The following LARGE1 variants were observed in gnomAD, a reference collection of about 807,000 sequenced individuals.
LARGE1 encodes the protein LARGE xylosyl- and glucuronyltransferase 1, also known as xylosyl- and glucuronyltransferase LARGE1.
LARGE1 carries 43 observed loss-of-function variants against 87.6 expected under a neutral mutation model. That is an observed-to-expected ratio of 0.49 (90% CI 0.38 to 0.63). The LOEUF (loss-of-function observed/expected upper bound fraction) is 0.63, where lower values mean the gene tolerates loss of function less well. LARGE1 is among the 30% of genes least tolerant of loss of function. The probability of loss-of-function intolerance (pLI) is 0.00; values close to 1 mark genes in which losing one functional copy is unlikely to be tolerated. For synonymous variants in LARGE1, 434 were observed against 394.6 expected, an observed-to-expected ratio of 1.10 and a Z score of -1.18; for missense variants, 802 against 1,000.2, an observed-to-expected ratio of 0.80 and a Z score of 2.67.
intron 1 of LARGE1, among the ~76,000 whole-genome samples, chr22:33,781,420 G>C (rs2085416778): frequency 6.6e-6 from 1 of 152,162 alleles, no homozygotes; most frequent in South Asian, 2.1e-4. Flanking sequence ...AGAATCACCT[G>C]AACCTGGGAG....
intron 1 of LARGE1, among the ~76,000 whole-genome samples, chr22:33,783,564 C>G (rs908891341): frequency 2.0e-5 from 3 of 152,034 alleles, no homozygotes; most frequent in Non-Finnish European, 1.5e-5. Flanking sequence ...AACTCCATCT[C>G]AAAAAACACA....
intron 5 of LARGE1, among the ~76,000 whole-genome samples, chr22:33,569,710 C>T (rs78939047): frequency 0.013 from 1,928 of 152,184 alleles, 38 homozygotes; most frequent in African/African-American, 0.043. Flanking sequence ...TTCCAGCCAC[C>T]CCCACCCCCA....
chr22:33,884,688 A>C (rs2064795040), intron 1 of LARGE1, among the ~76,000 whole-genome samples: 1 of 152,212 alleles, frequency 6.6e-6, no homozygotes, highest in Non-Finnish European at 1.5e-5. Context: ...CTGCCTACCC[A>C]GGGAAGGAAA....
At chr22:33,874,434 C>G (rs1394663727) in intron 1 of LARGE1, among the ~76,000 whole-genome samples, 2 of 152,116 alleles carry the variant, frequency 1.3e-5, no homozygotes, top group Admixed American at 1.3e-4. Context: ...GGGCGTGACC[C>G]AAACAGAAAG....
At chr22:33,172,515 T>C (rs1465447990) in intron 11 of LARGE1, among the ~76,000 whole-genome samples, 3 of 152,102 alleles carry the variant, frequency 2.0e-5, no homozygotes, top group Non-Finnish European at 4.4e-5. Flanking sequence ...TTCCCCTTCC[T>C]TCATGATTGT....
At chr22:33,436,895 G>C (rs1049303859) in intron 6 of LARGE1, among the ~76,000 whole-genome samples, 2 of 151,946 alleles carry the variant, frequency 1.3e-5, no homozygotes, top group African/African-American at 4.8e-5. Context: ...AGCCATTGTA[G>C]ATACTGAAGG....
intron 6 of LARGE1, among the ~76,000 whole-genome samples, chr22:33,503,798 CA>C (rs2070627060): frequency 6.6e-6 from 1 of 150,814 alleles, no homozygotes; most frequent in African/African-American, 2.4e-5. Context: ...GACTCTGTCT[CA>C]AAAAACAAAA....
intron 1 of LARGE1, among the ~76,000 whole-genome samples, chr22:33,902,743 T>C (rs1165346148): frequency 1.3e-5 from 2 of 152,228 alleles, no homozygotes; most frequent in Non-Finnish European, 2.9e-5. Context: ...GATGATGTTA[T>C]AGGCTGAATT....
intron 6 of LARGE1, among the ~76,000 whole-genome samples, chr22:33,506,036 C>G (rs1602159683): frequency 6.6e-6 from 1 of 152,094 alleles, no homozygotes. Flanking sequence ...GGCTTTACAA[C>G]TGCCACTCAA....
chr22:33,807,555 G>A (rs145977477), intron 1 of LARGE1, among the ~76,000 whole-genome samples: 3 of 152,248 alleles, frequency 2.0e-5, no homozygotes, highest in African/African-American at 7.2e-5. Flanking sequence ...CTGTTTACAT[G>A]ACAGTTCATT....
intron 7 of LARGE1, among the ~76,000 whole-genome samples, chr22:33,422,490 G>A (rs1175553353): frequency 6.6e-6 from 1 of 151,606 alleles, no homozygotes; most frequent in African/African-American, 2.4e-5. Flanking sequence ...GACAGAGAAC[G>A]AGCTTGGAAG....
At chr22:33,860,280 C>A (rs73154536) in intron 1 of LARGE1, among the ~76,000 whole-genome samples, 2,035 of 152,234 alleles carry the variant, frequency 0.013, 23 homozygotes, top group Middle Eastern at 0.048. Context: ...GCGTGAGCCA[C>A]GATGCCTGGC....
intron 1 of LARGE1, among the ~76,000 whole-genome samples, chr22:33,801,276 T>C (rs1184552703): frequency 6.6e-6 from 1 of 152,192 alleles, no homozygotes; most frequent in Non-Finnish European, 1.5e-5. Flanking sequence ...TACTAATACA[T>C]ATGGTATATA....
chr22:33,085,323 T>C, the LARGE1 span, among the ~76,000 whole-genome samples: 1 of 152,194 alleles, frequency 6.6e-6, no homozygotes, highest in Non-Finnish European at 1.5e-5. Context: ...TCAAGCTGTT[T>C]GAAACAAACT....
chr22:33,239,530 CTTT>C (rs1926405773), intron 11 of LARGE1, among the ~76,000 whole-genome samples: 1 of 119,024 alleles, frequency 8.4e-6, no homozygotes, highest in Non-Finnish European at 1.8e-5. Flanking sequence ...TTCTTTTTTT[CTTT>C]TCTTTTTTTT....
rs142455239 is a variant in LARGE1 at position 33,477,017 on chromosome 22, C to G, written c.788-44752G>C. 1.1e-3 allele frequency among the ~76,000 whole-genome samples: 173 copies of G among 152,268 alleles called. 1 individual carries two copies. The highest frequency in any genetic ancestry group is 3.9e-3 in the African/African-American group (161 of 41,558). On this transcript the variant is annotated intron_variant, in intron 6 of 14. Transcript: ENST00000397394. ...CTGTCACAGTGCTCTTTTCTCAGGT[C>G]ACAGAAATAACTTTCCTGGGAAAAG... is the stretch of plus-strand genomic sequence containing the variant.
intron 10 of LARGE1, among the ~76,000 whole-genome samples, chr22:33,334,776 A>C (rs568113808): frequency 1.3e-5 from 2 of 152,224 alleles, no homozygotes; most frequent in African/African-American, 4.8e-5. Flanking sequence ...CATCTCTAAG[A>C]GCTGTTAAGC....
At chr22:33,106,220 T>C in the LARGE1 span, among the ~76,000 whole-genome samples, 3 of 152,204 alleles carry the variant, frequency 2.0e-5, no homozygotes, top group South Asian at 4.1e-4. Context: ...TGTCCAGGCA[T>C]CTGGGAAATG....
chr22:33,113,873 CT>C, the LARGE1 span, among the ~76,000 whole-genome samples: 62,787 of 140,168 alleles, frequency 0.45, 12,985 homozygotes, highest in East Asian at 0.67. Context: ...TAGGGATTTT[CT>C]TTTTTTTTTT....
Sources: allele counts gnomAD v4.1 joint callset (sites outside exome capture counted in the v4.1 genomes callset), GRCh38; gene constraint gnomAD v4.1.1; transcripts MANE v1.5; gene names NCBI Gene and HGNC (gene_info 2026-07-23, HGNC 2026-07-21).